DCPH1: variants seen among roughly 807,000 people sequenced by gnomAD.
DCPH1 encodes damage-control phosphatase 1.
the DCPH1 span, among the ~76,000 whole-genome samples, chr6:151,458,808 T>C: frequency 5.3e-5 from 8 of 152,186 alleles, no homozygotes; most frequent in Non-Finnish European, 1.0e-4. Context: ...GCAATTATAA[T>C]CTACTTGCCT....
the DCPH1 span, chr6:151,458,484 A>G: frequency 6.2e-7 from 1 of 1,613,410 alleles, no homozygotes; most frequent in South Asian, 1.1e-5. Flanking sequence ...TTTAAATGAA[A>G]GTGATGGAAA....
At chr6:151,458,500 G>A in the DCPH1 span, 2 of 1,612,974 alleles carry the variant, frequency 1.2e-6, no homozygotes, top group Non-Finnish European at 8.5e-7. Context: ...GGAAAATCAA[G>A]ATGGTTCTAC....
chr6:151,460,050 C>G, the DCPH1 span, among the ~76,000 whole-genome samples: 1 of 152,000 alleles, frequency 6.6e-6, no homozygotes, highest in South Asian at 2.1e-4. Context: ...TACACACACA[C>G]GTATATATTT....
chr6:151,464,600 G>A, the DCPH1 span: 8 of 1,607,294 alleles, frequency 5.0e-6, no homozygotes, highest in African/African-American at 4.0e-5. Flanking sequence ...TGAAAGATGA[G>A]TTTTTTAAAC....
chr6:151,463,290 G>T, the DCPH1 span, among the ~76,000 whole-genome samples: 1 of 152,110 alleles, frequency 6.6e-6, no homozygotes, highest in Non-Finnish European at 1.5e-5. Flanking sequence ...TTCTTTCAGA[G>T]CCAGTTTACA....
chr6:151,455,904 C>A, the DCPH1 span, among the ~76,000 whole-genome samples: 1 of 135,850 alleles, frequency 7.4e-6, no homozygotes, highest in Non-Finnish European at 1.6e-5. Flanking sequence ...AGTTTTTGTG[C>A]CCCTGGGTAC....
chr6:151,459,893 TA>T, the DCPH1 span, among the ~76,000 whole-genome samples: 3 of 152,318 alleles, frequency 2.0e-5, no homozygotes, highest in Middle Eastern at 3.4e-3. Context: ...ACAGGTTTGT[TA>T]AGAGGAATCC....
the DCPH1 span, chr6:151,469,026 G>A: frequency 1.7e-5 from 27 of 1,614,066 alleles, no homozygotes; most frequent in Middle Eastern, 8.2e-4. Flanking sequence ...TGCAGCCTGG[G>A]CAAGGGGAAC....
chr6:151,460,040 T>TAC, the DCPH1 span, among the ~76,000 whole-genome samples: 119 of 152,150 alleles, frequency 7.8e-4, 1 homozygote, highest in Non-Finnish European at 6.5e-4. Flanking sequence ...GTCTTAATCT[T>TAC]ACACACACAC....
the DCPH1 span, among the ~76,000 whole-genome samples, chr6:151,461,614 T>G: frequency 6.6e-6 from 1 of 152,120 alleles, no homozygotes; most frequent in Non-Finnish European, 1.5e-5. Flanking sequence ...GAGGTTGCAG[T>G]GAGCCGAGAT....
At chr6:151,460,577 A>C in the DCPH1 span, among the ~76,000 whole-genome samples, 1 of 151,770 alleles carries the variant, frequency 6.6e-6, no homozygotes, top group Admixed American at 6.6e-5. Flanking sequence ...AAAGGTCAAG[A>C]GGTCGAGACC....
the DCPH1 span, among the ~76,000 whole-genome samples, chr6:151,463,344 T>C: frequency 6.6e-6 from 1 of 152,248 alleles, no homozygotes; most frequent in Non-Finnish European, 1.5e-5. Flanking sequence ...TTACTCATTT[T>C]TGATTAAAAA....
chr6:151,468,124 C>T, the DCPH1 span, among the ~76,000 whole-genome samples: 1 of 152,294 alleles, frequency 6.6e-6, no homozygotes, highest in Admixed American at 6.5e-5. Flanking sequence ...AAGTCCATTA[C>T]ATACTGATGA....
chr6:151,458,659 C>T, the DCPH1 span: 1 of 1,164,730 alleles, frequency 8.6e-7, no homozygotes, highest in Non-Finnish European at 1.2e-6. Context: ...AAATAAGCAC[C>T]AGTGGAAGCT....
the DCPH1 span, among the ~76,000 whole-genome samples, chr6:151,465,540 AGAG>A: frequency 6.6e-6 from 1 of 152,152 alleles, no homozygotes; most frequent in Admixed American, 6.6e-5. Flanking sequence ...GTAGTTACTG[AGAG>A]GTAGCGGGGT....
chr6:151,452,482 G>C, the DCPH1 span: 5 of 1,579,958 alleles, frequency 3.2e-6, no homozygotes, highest in Admixed American at 7.1e-5. Context: ...CCTTCGCGGC[G>C]GTACCGCCTC....
the DCPH1 span, chr6:151,452,551 T>A: frequency 6.2e-7 from 1 of 1,611,808 alleles, no homozygotes; most frequent in Non-Finnish European, 8.5e-7. Flanking sequence ...AAGTGATGGC[T>A]GTCGTCCCGG....
the DCPH1 span, chr6:151,469,036 C>T: frequency 6.2e-7 from 1 of 1,614,096 alleles, no homozygotes; most frequent in Non-Finnish European, 8.5e-7. Context: ...GCAAGGGGAA[C>T]AGCTCCTGGC....
chr6:151,468,749 A>G, the DCPH1 span: 1 of 1,614,230 alleles, frequency 6.2e-7, no homozygotes, highest in Non-Finnish European at 8.5e-7. Context: ...TGGGAAGAGT[A>G]TATTAAAATG....
Sources: allele counts gnomAD v4.1 joint callset (sites outside exome capture counted in the v4.1 genomes callset), GRCh38; gene constraint gnomAD v4.1.1; transcripts MANE v1.5; gene names NCBI Gene and HGNC (gene_info 2026-07-23, HGNC 2026-07-21).